Variants in GNAS observed in about 807,000 individuals in gnomAD.
GNAS encodes the protein protein ALEX.
In GNAS, 8 loss-of-function variants were observed where a neutral mutation model predicts 54.5. That is an observed-to-expected ratio of 0.15 (90% CI 0.09 to 0.26). The LOEUF (loss-of-function observed/expected upper bound fraction) is 0.26, where lower values mean the gene tolerates loss of function less well. Among genes scored for constraint, GNAS ranks in the 10% least tolerant of loss-of-function variants. The pLI, the probability that GNAS is intolerant of heterozygous loss-of-function variation, is 1.00. For synonymous variants in GNAS, 204 were observed against 191.4 expected (o/e 1.07, Z -0.54); for missense variants, 170 against 529.8 (o/e 0.32, Z 6.67).
chr20:58,840,299 C>A (rs777423607), upstream of GNAS: 1 of 1,612,714 alleles, frequency 6.2e-7, no homozygotes, highest in Non-Finnish European at 8.5e-7. This position sits in a 1 kb window ranked among gnomAD's most constrained non-coding sequence, Gnocchi z 6.0. Context: ...CCGGAGCTTC[C>A]TTAACGCCCA....
chr20:58,840,239 C>T (rs777218004), upstream of GNAS: 15 of 1,611,048 alleles, frequency 9.3e-6, no homozygotes, highest in South Asian at 1.5e-4. This position sits in a 1 kb window ranked among gnomAD's most constrained non-coding sequence, Gnocchi z 6.0. Context: ...CCTCCGCGCC[C>T]TTGCCACCTC....
At chr20:58,890,036 C>T (rs1233986508), upstream of GNAS, among the ~76,000 whole-genome samples, 2 of 151,550 alleles carry the variant, frequency 1.3e-5, no homozygotes, top group African/African-American at 4.8e-5. Flanking sequence ...GCGGGGACCC[C>T]GAGAAGCTCG....
chr20:58,887,572 T>C (rs188613149), upstream of GNAS, among the ~76,000 whole-genome samples: 415 of 152,316 alleles, frequency 2.7e-3, 2 homozygotes, highest in African/African-American at 9.5e-3. Flanking sequence ...TATGCATCTT[T>C]GGTTAGGTGA....
At chr20:58,839,814 G>A (rs1200370070), upstream of GNAS, 1 of 585,618 alleles carries the variant, frequency 1.7e-6, no homozygotes, top group African/African-American at 1.9e-5. Context: ...TTAGGCTGCG[G>A]AATCTAAGAC....
At chr20:58,876,948 C>T (rs1401098184) in intron 1 of GNAS, 5 of 152,270 alleles carry the variant, frequency 3.3e-5, no homozygotes, top group Admixed American at 6.5e-5. Context: ...TCCCCACCCT[C>T]GCAGGGTTAG....
rs11477757 is a variant in GNAS, at chr20:58,902,122, TCC to T, written c.258-1403_258-1402del. ...TCCCATTGGTTTCTGCCTCGGTGACTCCCCCCCTCTTGGCCTCAGTTTCCCTG... is the reference window on the plus strand; with the variant it reads ...TCCCATTGGTTTCTGCCTCGGTGACTCCCCCTCTTGGCCTCAGTTTCCCTG... On this transcript the variant is annotated intron_variant, in intron 3 of 12. Transcript: ENST00000371085. 1.7e-4 allele frequency among the ~76,000 whole-genome samples: 25 copies of T among 148,046 alleles called. 1 individual carries two copies. The South Asian group carries it at 5.0e-3, about 30-fold the overall frequency.
chr20:58,909,487 C>T lies in GNAS; in HGVS notation c.660-34C>T, dbSNP rs773723633. 46 of 1,613,178 alleles carry T rather than the reference C, an allele frequency of 2.9e-5. No homozygotes were observed. Among genetic ancestry groups the T allele is most frequent in the Non-Finnish European group, 3.6e-5 (42 of 1,179,250 alleles). On this transcript the variant is annotated intron_variant, in intron 8 of 12. Transcript: ENST00000371085. The surrounding 1 kb of genome is among the most constrained non-coding windows in gnomAD (Gnocchi z 7.3). ...GGTTTCTTGACATTCACCCCAGTCC[C>T]TCTGGAATAACCAGCTGTCCTCCTC... is the stretch of plus-strand genomic sequence containing the variant.
chr20:58,855,357 G>A (rs1444337257), intron 1 of GNAS: 3 of 1,551,482 alleles, frequency 1.9e-6, no homozygotes, highest in African/African-American at 1.4e-5. Context: ...CTCTGCCTGC[G>A]GGCAGCAGGG....
chr20:58,911,035 A>G lies in GNAS; in HGVS notation c.*206A>G, dbSNP rs1223132336. The G allele has an allele frequency of 4.4e-6, 3 of 686,530 alleles. No homozygotes were observed. In the South Asian group the frequency reaches 4.5e-5, roughly 10 times the overall value. The allele number at this position is 686,530 out of a possible 1,614,324, so 42.5% of individuals were successfully genotyped here. On this transcript the variant is annotated 3_prime_UTR_variant, in exon 13 of 13. Transcript: ENST00000371085. ...AAAGCTTAAGGCGGCCTACAGAAAA[A>G]GGAAAAAAGGCCACAAAAGTTCCCT... is the stretch of plus-strand genomic sequence containing the variant.
chr20:58,907,222 T>C (rs1201663546), intron 6 of GNAS, among the ~76,000 whole-genome samples: 1 of 152,100 alleles, frequency 6.6e-6, no homozygotes, highest in East Asian at 1.9e-4. Context: ...CATAGGAAAT[T>C]CCTTTATTTT....
chr20:58,850,084 A>G (rs2086097100), intron 1 of GNAS, among the ~76,000 whole-genome samples: 1 of 151,764 alleles, frequency 6.6e-6, no homozygotes, highest in Admixed American at 6.6e-5. Flanking sequence ...CATGTTTCCT[A>G]CCATTAAATC....
intron 1 of GNAS, chr20:58,854,112 A>G (rs1219335887): frequency 6.2e-7 from 1 of 1,612,180 alleles, no homozygotes; most frequent in East Asian, 2.2e-5. Context: ...CGCCATCGGC[A>G]GCCCATCCCA....
chr20:58,845,971 A>G (rs1207994644), intron 1 of GNAS, among the ~76,000 whole-genome samples: 2 of 152,208 alleles, frequency 1.3e-5, no homozygotes, highest in African/African-American at 2.4e-5. Flanking sequence ...TAGGGTAAGT[A>G]TGTTACAAAT....
chr20:58,890,438 C>T (rs2089076085), upstream of GNAS, among the ~76,000 whole-genome samples: 2 of 151,760 alleles, frequency 1.3e-5, no homozygotes, highest in South Asian at 4.1e-4. Flanking sequence ...TGTGGCGGCC[C>T]GGGCCGCTCA....
At chr20:58,854,185 C>T (rs2086316033) in intron 1 of GNAS, 2 of 1,612,896 alleles carry the variant, frequency 1.2e-6, no homozygotes, top group South Asian at 2.2e-5. Flanking sequence ...ATCTCCGGAC[C>T]CCCGTTCGAG....
At position 58,909,373 on chromosome 20, in the gene GNAS, G is replaced by A. The variant is rs1472815866; in HGVS notation, c.609G>A (p.Leu203=). Residue 203 remains leucine (L), a synonymous_variant, in exon 8 of 13, where the codon CTG becomes CTA. Coordinates refer to ENST00000371085, the MANE Select transcript of GNAS (RefSeq NM_000516.7). The surrounding 1 kb of genome is among the most constrained non-coding windows in gnomAD (Gnocchi z 7.3). ...AGGACCTGCTTCGCTGCCGTGTCCT[G>A]ACTTCTGGAATCTTTGAGACCAAGT... ...SDQDLLRCRV[L]TSGIFETKFQ... 3 of 1,614,006 alleles carry A rather than the reference G, an allele frequency of 1.9e-6. No individual in the cohort carries two copies. Among genetic ancestry groups the A allele is most frequent in the Admixed American group, 3.3e-5 (2 of 60,022 alleles).
chr20:58,853,352 A>G lies in GNAS; in HGVS notation c.43+12466A>G, dbSNP rs2086260777. 1.3e-6 allele frequency: 2 copies of G among 1,551,898 alleles called. No homozygotes were observed. Among genetic ancestry groups the G allele is most frequent in the Admixed American group, 2.0e-5 (1 of 51,116 alleles). ...AAATCGGGGAACAGCCCGAGCAACC[A>G]CCTTTGGAGGCCCCAGGGGCAGCTG... On this transcript the variant is annotated intron_variant, in intron 1 of 12. Coordinates refer to the GNAS transcript ENST00000306090. This position sits in a 1 kb window ranked among gnomAD's most constrained non-coding sequence, Gnocchi z 4.4.
chr20:58,889,161 C>A, upstream of GNAS: 2 of 1,214,650 alleles, frequency 1.6e-6, no homozygotes, highest in South Asian at 1.4e-5. Context: ...AGAAGCTCTG[C>A]TCCCCGGCGG....
intron 6 of GNAS, among the ~76,000 whole-genome samples, chr20:58,905,755 T>C (rs1463476318): frequency 6.6e-6 from 1 of 152,208 alleles, no homozygotes; most frequent in Non-Finnish European, 1.5e-5. Context: ...TATTCCTAAT[T>C]AGTAGGAAGT....
Sources: gnomAD v4.1 joint callset for allele counts (sites outside exome capture counted in the v4.1 genomes callset) on GRCh38, gnomAD v4.1.1 for gene constraint, Gnocchi (gnomAD v3.1) non-coding constraint, MANE v1.5 for transcripts, NCBI Gene and HGNC (gene_info 2026-07-23, HGNC 2026-07-21) for gene names.